THAP12: variants seen among roughly 807,000 people sequenced by gnomAD.
THAP12 encodes 52 kDa repressor of the inhibitor of the protein kinase.
Under a neutral mutation model 63.0 loss-of-function variants are expected in THAP12, and 20 were observed. The ratio of observed to expected loss-of-function variants is 0.32; its 90% CI spans 0.22 to 0.46. The LOEUF is 0.46. Ranked by LOEUF, THAP12 falls within the 20% of genes least tolerant of loss-of-function variation. The probability of loss-of-function intolerance (pLI) is 1.00; values close to 1 mark genes in which losing one functional copy is unlikely to be tolerated. For missense variants in THAP12, 568 were observed against 908.2 expected, an observed-to-expected ratio of 0.63 and a Z score of 4.81; for synonymous variants, 264 against 328.4, an observed-to-expected ratio of 0.80 and a Z score of 2.12.
intron 1 of THAP12, among the ~76,000 whole-genome samples, chr11:76,373,460 A>G (rs1946688166): frequency 6.6e-6 from 1 of 151,708 alleles, no homozygotes; most frequent in Non-Finnish European, 1.5e-5. Flanking sequence ...TCACATCTGC[A>G]ATCCTAAGAC....
chr11:76,380,716 C>T (rs772128711), intron 1 of THAP12, 32 bp downstream of exon 1: 64 of 1,377,896 alleles, frequency 4.6e-5, no homozygotes, highest in Non-Finnish European at 9.5e-6. Context: ...CGAAGGTGGG[C>T]CCGGGCCGCC....
intron 1 of THAP12, among the ~76,000 whole-genome samples, chr11:76,379,417 T>C (rs574122110): frequency 6.6e-6 from 1 of 152,306 alleles, no homozygotes; most frequent in African/African-American, 2.4e-5. Flanking sequence ...CCATAGTGCC[T>C]TCCAAGACCT....
intron 2 of THAP12, among the ~76,000 whole-genome samples, chr11:76,361,783 G>A (rs984813553): frequency 1.1e-4 from 17 of 152,074 alleles, no homozygotes; most frequent in African/African-American, 3.9e-4. Flanking sequence ...TAAAACTGTA[G>A]GAAGAATGAT....
chr11:76,365,516 T>C (rs1946625420), intron 2 of THAP12, among the ~76,000 whole-genome samples: 1 of 151,978 alleles, frequency 6.6e-6, no homozygotes, highest in Non-Finnish European at 1.5e-5. Flanking sequence ...CCCAAGTAGC[T>C]GGGACTACAG....
chr11:76,368,801 C>A (rs1188910133), intron 1 of THAP12, among the ~76,000 whole-genome samples: 1 of 152,010 alleles, frequency 6.6e-6, no homozygotes, highest in East Asian at 1.9e-4. Flanking sequence ...AAAGGTAAAA[C>A]AATAAAGCCA....
chr11:76,370,329 C>G (rs1259297782), intron 1 of THAP12, among the ~76,000 whole-genome samples: 3 of 151,782 alleles, frequency 2.0e-5, no homozygotes, highest in Non-Finnish European at 4.4e-5. Flanking sequence ...ACATGATGTA[C>G]AGTTATCATT....
At chr11:76,366,984 G>A (rs1306301116) in intron 1 of THAP12, among the ~76,000 whole-genome samples, 1 of 151,732 alleles carries the variant, frequency 6.6e-6, no homozygotes, top group Non-Finnish European at 1.5e-5. Flanking sequence ...CCAAAGATGG[G>A]TACTATTAAT....
intron 1 of THAP12, among the ~76,000 whole-genome samples, chr11:76,370,965 A>G (rs563518095): frequency 3.6e-4 from 54 of 152,006 alleles, no homozygotes; most frequent in African/African-American, 1.3e-3. Context: ...ATTTTTACCA[A>G]TGCCTCCCCT....
At position 76,351,246 on chromosome 11, in the gene THAP12, G is replaced by C. The variant is rs1403131992; in HGVS notation, c.1904C>G (p.Pro635Arg). 1 of 1,557,370 alleles carries C rather than the reference G, an allele frequency of 6.4e-7. No individual in the cohort carries two copies. Among genetic ancestry groups the C allele is most frequent in the Middle Eastern group, 2.4e-4 (1 of 4,150 alleles). Residue 635 changes from proline to arginine, a missense_variant, in exon 5 of 5, where the codon CCT (proline) becomes CGT (arginine). By Grantham distance (103) the Pro-to-Arg change is moderately radical. Coordinates refer to ENST00000260045, the MANE Select transcript of THAP12 (RefSeq NM_004705.4). ...ADMYRSDLPN[P>R]DTLSAELHCW... The stretch of plus-strand genomic sequence containing the variant: ...ATGAAGCTCAGCTGACAGCGTGTCA[G>C]GATTGGGTAAGTCACTTCTATACAT...
chr11:76,355,896 T>A (rs1458840709), intron 3 of THAP12: 2 of 338,080 alleles, frequency 5.9e-6, no homozygotes, highest in Admixed American at 9.8e-5. Flanking sequence ...ATCATTTTGC[T>A]TATTTTCTAC....
chr11:76,380,786 G>A lies in THAP12; in HGVS notation c.51C>T (p.Ser17=). The A allele has an allele frequency of 2.0e-6, 3 of 1,467,782 alleles. No homozygotes were observed. Among genetic ancestry groups the A allele is most frequent in the East Asian group, 3.1e-5 (1 of 32,514 alleles). The allele number at this position is 1,467,782 out of a possible 1,614,324, so 90.9% of individuals were successfully genotyped here. A position where few individuals can be genotyped will look rare whatever the true frequency, so the allele number is the denominator to read the frequency against. ...GCGGGAACCTGAAGAAGGCCAAGTC[G>A]GACTGCGTGCTCTTCCGCGTGCAGT... ...APNCTRKSTQ[S]DLAFFRFPRD... The change falls in exon 1 of 5, where the codon TCC becomes TCT. Residue 17 remains serine, a synonymous_variant. Transcript: ENST00000260045.
intron 1 of THAP12, 25 bp downstream of exon 1, chr11:76,380,723 C>A: frequency 1.4e-6 from 2 of 1,394,462 alleles, no homozygotes; most frequent in Non-Finnish European, 1.9e-6. Flanking sequence ...GGGCCCGGGC[C>A]GCCCGCTCTG....
chr11:76,355,849 C>T (rs562881372), intron 3 of THAP12, 195 bp from the exon 4 acceptor site: 3 of 430,158 alleles, frequency 7.0e-6, no homozygotes, highest in South Asian at 1.3e-4. Flanking sequence ...GTTAATGACT[C>T]CAAGGTTATA....
At chr11:76,379,197 T>C (rs1211273607) in intron 1 of THAP12, among the ~76,000 whole-genome samples, 4 of 152,104 alleles carry the variant, frequency 2.6e-5, no homozygotes, top group African/African-American at 4.8e-5. Flanking sequence ...TCCAAACCAT[T>C]AGCAAATGAT....
At chr11:76,380,722 C>T (rs1946750727) in intron 1 of THAP12, 26 bp downstream of exon 1, 2 of 1,391,592 alleles carry the variant, frequency 1.4e-6, no homozygotes, top group South Asian at 1.5e-5. Context: ...TGGGCCCGGG[C>T]CGCCCGCTCT....
intron 1 of THAP12, among the ~76,000 whole-genome samples, chr11:76,370,103 C>G (rs1946660217): frequency 6.6e-6 from 1 of 152,156 alleles, no homozygotes; most frequent in Admixed American, 6.5e-5. Context: ...TGCTAATGTT[C>G]TATATCTCAA....
chr11:76,377,811 T>C (rs996455572), intron 1 of THAP12, among the ~76,000 whole-genome samples: 1 of 152,166 alleles, frequency 6.6e-6, no homozygotes, highest in African/African-American at 2.4e-5. Context: ...CCACTTGTGG[T>C]TTTGATTTGA....
At chr11:76,380,326 T>G (rs1294577996) in intron 1 of THAP12, among the ~76,000 whole-genome samples, 1 of 151,360 alleles carries the variant, frequency 6.6e-6, no homozygotes, top group African/African-American at 2.4e-5. Context: ...GTCCCGGGGG[T>G]GGTGGCAAGG....
intron 1 of THAP12, among the ~76,000 whole-genome samples, chr11:76,369,426 G>C (rs1946655035): frequency 6.6e-6 from 1 of 152,226 alleles, no homozygotes; most frequent in South Asian, 2.1e-4. Flanking sequence ...TGAAATTCTA[G>C]AACAGGCAAA....
Sources: allele counts gnomAD v4.1 joint callset (sites outside exome capture counted in the v4.1 genomes callset), GRCh38; gene constraint gnomAD v4.1.1; transcripts MANE v1.5; gene names NCBI Gene and HGNC (gene_info 2026-07-23, HGNC 2026-07-21).